The following RGS17 variants were observed in gnomAD, a reference collection of about 807,000 sequenced individuals.
The protein encoded by RGS17 is regulator of G-protein signaling 17.
Under a neutral mutation model 25.5 loss-of-function variants are expected in RGS17, and 12 were observed. That is an observed-to-expected ratio of 0.47 (90% CI 0.30 to 0.76). The LOEUF (loss-of-function observed/expected upper bound fraction) is 0.76. Among genes scored for constraint, RGS17 ranks in the 30% least tolerant of loss-of-function variants. RGS17 has a pLI of 0.07. For synonymous variants in RGS17, 71 were observed against 76.9 expected, an observed-to-expected ratio of 0.92 and a Z score of 0.40; for missense variants, 196 against 242.2, an observed-to-expected ratio of 0.81 and a Z score of 1.27.
At position 153,066,378 on chromosome 6, in the gene RGS17, A is replaced by G. The variant is rs556844898; in HGVS notation, c.-25-22335T>C. ...TAATAAAAAGTCTCCCTGTAAAAAA[A>G]AGCCTGGGACCTGATGGCTTCACTA... is the stretch of plus-strand genomic sequence containing the variant. On this transcript the variant is annotated intron_variant, in intron 1 of 4. Transcript: ENST00000206262. Among the ~76,000 whole-genome samples, 7 of 152,176 alleles carry G rather than the reference A, an allele frequency of 4.6e-5. No individual in the cohort carries two copies. In the East Asian group the frequency reaches 1.3e-3, roughly 29 times the overall value.
At position 153,061,930 on chromosome 6, in the gene RGS17, G is replaced by A. The variant is rs1405455514; in HGVS notation, c.-25-17887C>T. ...ATTATGCTTTCCAAAGCTACATTCT[G>A]TATATTCTGTCTTAAACCTAGCTGA... is the stretch of plus-strand genomic sequence containing the variant. On this transcript the variant is annotated intron_variant, in intron 1 of 4. Transcript: ENST00000206262. Among the ~76,000 whole-genome samples the A allele has an allele frequency of 2.6e-5, 4 of 152,134 alleles. No individual in the cohort carries two copies. The East Asian group carries it at 5.8e-4, about 22-fold the overall frequency.
chr6:153,051,830 T>C (rs1776465169), intron 1 of RGS17, among the ~76,000 whole-genome samples: 1 of 152,208 alleles, frequency 6.6e-6, no homozygotes, highest in Non-Finnish European at 1.5e-5. Context: ...CTAAGAGTAT[T>C]ACCAAGCCAC....
intron 1 of RGS17, among the ~76,000 whole-genome samples, chr6:153,074,991 G>A (rs1181899620): frequency 1.3e-5 from 2 of 152,086 alleles, no homozygotes; most frequent in East Asian, 1.9e-4. Flanking sequence ...TGCCCTCCCC[G>A]GATGCTGATT....
At chr6:153,034,402 C>T (rs879703431) in intron 2 of RGS17, among the ~76,000 whole-genome samples, 16 of 152,150 alleles carry the variant, frequency 1.1e-4, no homozygotes, top group Admixed American at 2.0e-4. Context: ...AAACAGCATC[C>T]GCTACCTTAA....
rs143454243 is a variant in RGS17 at position 153,015,722 on chromosome 6, C to G, written c.445-3960G>C. ...AGGCTGGAGTGCAGTGGCGCGATCT[C>G]GGCTCACTGCAAGCTCCGCCTCCCG... On this transcript the variant is annotated intron_variant, in intron 4 of 4. Coordinates refer to ENST00000206262, the MANE Select transcript of RGS17 (RefSeq NM_012419.5). Among the ~76,000 whole-genome samples the G allele has an allele frequency of 3.0e-3, 459 of 151,326 alleles. 4 individuals carry two copies. Among genetic ancestry groups the G allele is most frequent in the African/African-American group, 0.011 (435 of 41,212 alleles).
At position 153,004,767 on chromosome 6, in the gene RGS17, G is replaced by A. The variant is rs1420469706; in HGVS notation, c.*6807C>T. On this transcript the variant is annotated 3_prime_UTR_variant, in exon 5 of 5. Transcript: ENST00000206262. ...AAACCCAGAAAAACTTAAATTGGAG[G>A]AAACATAATCTGGATTATCTATTCA... 6.6e-6 allele frequency: 1 copy of A among 152,028 alleles called. No individual in the cohort carries two copies. Among genetic ancestry groups the A allele is most frequent in the African/African-American group, 2.4e-5 (1 of 41,398 alleles). The allele number at this position is 152,028 out of a possible 1,614,324, so 9.4% of individuals were successfully genotyped here. A position where few individuals can be genotyped will look rare whatever the true frequency, so the allele number is the denominator to read the frequency against.
At chr6:153,045,821 A>C (rs564854709) in intron 1 of RGS17, among the ~76,000 whole-genome samples, 4 of 152,210 alleles carry the variant, frequency 2.6e-5, no homozygotes, top group Non-Finnish European at 5.9e-5. Context: ...TAAATGGGAG[A>C]ACAATAAATT....
At chr6:153,034,880 C>A (rs942509724) in intron 2 of RGS17, among the ~76,000 whole-genome samples, 3 of 152,026 alleles carry the variant, frequency 2.0e-5, no homozygotes, top group Admixed American at 1.3e-4. Flanking sequence ...CTGCGAGCGG[C>A]GGCTGATGCC....
chr6:153,093,724 G>C (rs1777164935), intron 1 of RGS17, among the ~76,000 whole-genome samples: 1 of 152,076 alleles, frequency 6.6e-6, no homozygotes, highest in Non-Finnish European at 1.5e-5. Flanking sequence ...ATCTTGACTT[G>C]GTAGATAAGG....
intron 4 of RGS17, among the ~76,000 whole-genome samples, chr6:153,014,980 T>C (rs780150098): frequency 2.0e-5 from 3 of 152,140 alleles, no homozygotes; most frequent in Non-Finnish European, 2.9e-5. Flanking sequence ...TTAGAAAAAG[T>C]TGATTCCAAC....
chr6:153,100,898 C>T (rs1777293295), intron 1 of RGS17, among the ~76,000 whole-genome samples: 2 of 152,160 alleles, frequency 1.3e-5, no homozygotes, highest in South Asian at 4.1e-4. Context: ...AAGCTGTACC[C>T]AATCTGGCTG....
chr6:153,099,586 T>C (rs1410287815), intron 1 of RGS17, among the ~76,000 whole-genome samples: 1 of 152,200 alleles, frequency 6.6e-6, no homozygotes. Flanking sequence ...TGCTGGAATC[T>C]GAGTGATTTT....
intron 4 of RGS17, among the ~76,000 whole-genome samples, chr6:153,015,245 C>G (rs1460689334): frequency 6.6e-6 from 1 of 152,186 alleles, no homozygotes; most frequent in Non-Finnish European, 1.5e-5. Flanking sequence ...ATTTAGATTA[C>G]ATAAACTTAG....
chr6:153,025,443 G>C (rs1779289453), intron 3 of RGS17, among the ~76,000 whole-genome samples: 1 of 151,760 alleles, frequency 6.6e-6, no homozygotes, highest in Non-Finnish European at 1.5e-5. Context: ...ACTATATACA[G>C]ATCTTTTAGT....
intron 1 of RGS17, among the ~76,000 whole-genome samples, chr6:153,059,200 C>G (rs1449077919): frequency 2.0e-5 from 3 of 152,106 alleles, no homozygotes; most frequent in African/African-American, 7.2e-5. Context: ...AATAGTTGCT[C>G]CGGTGCTTTC....
chr6:153,041,925 A>G (rs1413427438), intron 2 of RGS17, among the ~76,000 whole-genome samples: 1 of 152,178 alleles, frequency 6.6e-6, no homozygotes, highest in Non-Finnish European at 1.5e-5. Flanking sequence ...TGTGTGTCAG[A>G]CACTGCTCTT....
At chr6:153,109,462 G>A (rs1777435387) in intron 1 of RGS17, among the ~76,000 whole-genome samples, 1 of 152,184 alleles carries the variant, frequency 6.6e-6, no homozygotes, top group South Asian at 2.1e-4. Context: ...TTATAGTCAG[G>A]AAAGTCTTTG....
At chr6:153,119,233 G>A (rs1402642247) in intron 1 of RGS17, among the ~76,000 whole-genome samples, 1 of 152,044 alleles carries the variant, frequency 6.6e-6, no homozygotes. Context: ...GTACCATCTG[G>A]ACCTCAGAGT....
rs539067522 is a variant in RGS17, at chr6:153,025,717, T to C, written c.209+737A>G. 8.3e-3 allele frequency among the ~76,000 whole-genome samples: 1,224 copies of C among 147,420 alleles called. 15 individuals are homozygous for C. Among genetic ancestry groups the C allele is most frequent in the African/African-American group, 0.029 (1,167 of 40,634 alleles). On this transcript the variant is annotated intron_variant, in intron 3 of 4. Transcript: ENST00000206262. ...ATATAAAAACATATATATATAAACA[T>C]ATATATAAACATATATATGGTAAAT...
Sources: gnomAD v4.1 joint callset for allele counts (sites outside exome capture counted in the v4.1 genomes callset) on GRCh38, gnomAD v4.1.1 for gene constraint, MANE v1.5 for transcripts, NCBI Gene and HGNC (gene_info 2026-07-23, HGNC 2026-07-21) for gene names.